The following SSPN variants were observed in gnomAD, a reference collection of about 807,000 sequenced individuals.
SSPN encodes the protein K-ras oncogene-associated protein.
Under a neutral mutation model 19.1 loss-of-function variants are expected in SSPN, and 15 were observed. That is an observed-to-expected ratio of 0.78 (90% confidence interval 0.52 to 1.21). SSPN has a LOEUF of 1.21. SSPN is among the 50% of genes most tolerant of loss of function. The pLI is 0.00. For synonymous variants in SSPN, 147 were observed against 140.3 expected (o/e 1.05, Z -0.34); for missense variants, 291 against 314.0 (o/e 0.93, Z 0.55).
intron 1 of SSPN, among the ~76,000 whole-genome samples, chr12:26,208,187 G>A (rs763472919): frequency 9.9e-5 from 15 of 152,150 alleles, no homozygotes; most frequent in Admixed American, 2.6e-4. Context: ...AAATTGTTGG[G>A]TCATAAGATA....
At chr12:26,134,233 T>A (rs1408366579) in intron 1 of SSPN, among the ~76,000 whole-genome samples, 1 of 152,206 alleles carries the variant, frequency 6.6e-6, no homozygotes, top group African/African-American at 2.4e-5. Flanking sequence ...TCACTCACAC[T>A]GTTTTGATTG....
chr12:26,221,607 T>C (rs1945122472), intron 1 of SSPN, among the ~76,000 whole-genome samples: 1 of 152,258 alleles, frequency 6.6e-6, no homozygotes, highest in South Asian at 2.1e-4. Flanking sequence ...AAGTAGCTAC[T>C]GCTGAAATTA....
chr12:26,207,820 G>T (rs112856454), intron 1 of SSPN, among the ~76,000 whole-genome samples: 1 of 152,106 alleles, frequency 6.6e-6, no homozygotes, highest in Non-Finnish European at 1.5e-5. Context: ...GCAAAACCCC[G>T]TCTCTACAAA....
At chr12:26,122,991 G>A (rs774365575) in intron 1 of SSPN, 58 of 1,565,794 alleles carry the variant, frequency 3.7e-5, no homozygotes, top group Non-Finnish European at 5.0e-5. Context: ...CTGCGGGGTG[G>A]GCAAGAACTG....
intron 1 of SSPN, among the ~76,000 whole-genome samples, chr12:26,142,242 A>G (rs1285628386): frequency 2.0e-5 from 3 of 152,200 alleles, no homozygotes; most frequent in African/African-American, 7.2e-5. Context: ...CATCGTAGAA[A>G]ATGTATTCTG....
intron 1 of SSPN, chr12:26,125,726 TGAC>T (rs1198425315): frequency 2.0e-5 from 3 of 150,094 alleles, no homozygotes; most frequent in Non-Finnish European, 3.0e-5. Context: ...CAGCAGCAGA[TGAC>T]GACGTTTGGG....
At chr12:26,146,670 A>C (rs1432504752) in intron 1 of SSPN, among the ~76,000 whole-genome samples, 1 of 152,086 alleles carries the variant, frequency 6.6e-6, no homozygotes, top group East Asian at 1.9e-4. Context: ...TAAGAATACA[A>C]AAATTAGCCA....
At chr12:26,202,684 T>C (rs1489728174) in intron 1 of SSPN, among the ~76,000 whole-genome samples, 4 of 152,246 alleles carry the variant, frequency 2.6e-5, no homozygotes, top group South Asian at 2.1e-4. Context: ...AGATTTGCTC[T>C]TGCCTTTAGC....
intron 1 of SSPN, among the ~76,000 whole-genome samples, chr12:26,183,113 C>T (rs979282895): frequency 1.3e-5 from 2 of 152,134 alleles, no homozygotes; most frequent in East Asian, 3.9e-4. Context: ...TATGCCAACC[C>T]TCTTCCTGAC....
intron 1 of SSPN, chr12:26,124,060 T>G: frequency 6.5e-7 from 1 of 1,547,482 alleles, no homozygotes; most frequent in Non-Finnish European, 8.9e-7. Context: ...AGAATGAAAA[T>G]GTGCATCTTA....
chr12:26,168,214 GAAAAAAAA>G (rs60365188), intron 1 of SSPN, among the ~76,000 whole-genome samples: 9 of 117,556 alleles, frequency 7.7e-5, no homozygotes, highest in Admixed American at 4.3e-4. Context: ...CCCTGTCTCA[GAAAAAAAA>G]AAAAAAAAAG....
At chr12:26,136,342 G>A (rs541806728) in intron 1 of SSPN, among the ~76,000 whole-genome samples, 1 of 152,328 alleles carries the variant, frequency 6.6e-6, no homozygotes, top group African/African-American at 2.4e-5. Context: ...TGGTGGCAGA[G>A]TTGGTATGGA....
At chr12:26,138,245 T>C (rs1431492443) in intron 1 of SSPN, among the ~76,000 whole-genome samples, 1 of 152,206 alleles carries the variant, frequency 6.6e-6, no homozygotes, top group Non-Finnish European at 1.5e-5. Flanking sequence ...CCACGATTGG[T>C]TGAATCTGTG....
chr12:26,126,101 C>A (rs1190890204), intron 1 of SSPN: 1 of 152,278 alleles, frequency 6.6e-6, no homozygotes, highest in Non-Finnish European at 1.5e-5. Context: ...GCTCGGGGAA[C>A]CCGTGCGCGC....
At chr12:26,182,907 C>T (rs988580514) in intron 1 of SSPN, among the ~76,000 whole-genome samples, 6 of 151,946 alleles carry the variant, frequency 3.9e-5, no homozygotes, top group African/African-American at 1.2e-4. Context: ...GGATTACAGG[C>T]ACACGCCACC....
At chr12:26,122,858 G>C (rs758813683) in intron 1 of SSPN, 13 of 1,569,258 alleles carry the variant, frequency 8.3e-6, no homozygotes, top group South Asian at 4.7e-5. Context: ...GCTGGATGAC[G>C]GGCACGCAGT....
At chr12:26,189,841 C>A (rs968975171) in intron 1 of SSPN, among the ~76,000 whole-genome samples, 3 of 152,176 alleles carry the variant, frequency 2.0e-5, no homozygotes, top group African/African-American at 7.2e-5. Context: ...CATGTGATTT[C>A]TCTGTGGAGT....
intron 1 of SSPN, among the ~76,000 whole-genome samples, chr12:26,162,173 A>G (rs1361296064): frequency 2.0e-5 from 3 of 152,188 alleles, no homozygotes; most frequent in Non-Finnish European, 4.4e-5. Context: ...TTCTTTGGGT[A>G]CCTGTTGCTA....
intron 1 of SSPN, chr12:26,123,590 C>G: frequency 1.0e-5 from 15 of 1,441,634 alleles, no homozygotes; most frequent in Non-Finnish European, 1.5e-5. Flanking sequence ...TGGGCTGCCC[C>G]GCTTCATCAG....
Sources: allele counts gnomAD v4.1 joint callset (sites outside exome capture counted in the v4.1 genomes callset), GRCh38; gene constraint gnomAD v4.1.1; transcripts MANE v1.5; gene names NCBI Gene and HGNC (gene_info 2026-07-23, HGNC 2026-07-21).